TBCE: variants seen among roughly 807,000 people sequenced by gnomAD.
TBCE encodes the protein tubulin folding cofactor E.
A neutral mutation model predicts 77.0 loss-of-function variants in TBCE; 53 were observed. The ratio of observed to expected loss-of-function variants is 0.69; its 90% CI spans 0.55 to 0.87. TBCE has a LOEUF of 0.87. TBCE is among the 40% of genes least tolerant of loss of function. TBCE has a pLI of 0.00. For missense variants in TBCE, 624 were observed against 622.4 expected (o/e 1.00, Z -0.03); for synonymous variants, 235 against 241.3 (o/e 0.97, Z 0.24).
chr1:235,384,559 C>T (rs879827748), intron 2 of TBCE, among the ~76,000 whole-genome samples: 153 of 147,532 alleles, frequency 1.0e-3, no homozygotes, highest in Non-Finnish European at 1.5e-3. Flanking sequence ...GTGTATGTGT[C>T]GAGGAATTTA....
rs750424356 is a variant in TBCE, at chr1:235,414,621, A to T, written c.371+3A>T. On this transcript the variant is annotated splice_donor_region_variant and intron_variant, in intron 4 of 16. Coordinates refer to ENST00000642610, the MANE Select transcript of TBCE (RefSeq NM_003193.5). ...GACTCTATTATGAAACAGCAAAGGT[A>T]AGTGGAGTTTATAACGGCAGAGCTG... The T allele has an allele frequency of 6.2e-7, 1 of 1,613,476 alleles. No individual in the cohort carries two copies.
chr1:235,431,472 C>T (rs1051435991), intron 7 of TBCE, among the ~76,000 whole-genome samples: 1 of 151,870 alleles, frequency 6.6e-6, no homozygotes, highest in African/African-American at 2.4e-5. Context: ...AGCGATTCTC[C>T]CACCTCAGCC....
chr1:235,387,525 C>G (rs182431643), intron 2 of TBCE, among the ~76,000 whole-genome samples: 1 of 152,210 alleles, frequency 6.6e-6, no homozygotes, highest in Non-Finnish European at 1.5e-5. Context: ...CCCCCAGCCG[C>G]GCTGCTGCCT....
chr1:235,418,187 G>A (rs1004698851), intron 4 of TBCE, among the ~76,000 whole-genome samples: 2 of 151,886 alleles, frequency 1.3e-5, no homozygotes. Context: ...TTTTAAGTTC[G>A]CACAATATTG....
intron 2 of TBCE, among the ~76,000 whole-genome samples, chr1:235,397,287 C>T (rs1678795138): frequency 6.6e-6 from 1 of 151,404 alleles, no homozygotes; most frequent in South Asian, 2.1e-4. Flanking sequence ...CTGCAAGCTC[C>T]GCCTCCTGGG....
At chr1:235,416,440 C>T (rs1474257892) in intron 4 of TBCE, among the ~76,000 whole-genome samples, 1 of 151,892 alleles carries the variant, frequency 6.6e-6, no homozygotes, top group African/African-American at 2.4e-5. Context: ...GTGGGAAGAT[C>T]ACCTGAACCC....
intron 1 of TBCE, among the ~76,000 whole-genome samples, chr1:235,368,542 G>C (rs1676702531): frequency 7.5e-6 from 1 of 132,688 alleles, no homozygotes; most frequent in African/African-American, 2.9e-5. Context: ...TAATCTAAGT[G>C]GACAGCCTGC....
chr1:235,403,152 GC>G (rs1442327462), intron 3 of TBCE, among the ~76,000 whole-genome samples: 1 of 152,088 alleles, frequency 6.6e-6, no homozygotes, highest in Non-Finnish European at 1.5e-5. Flanking sequence ...TTTTAGCCAG[GC>G]CCACAGATTC....
chr1:235,437,217 C>T, intron 11 of TBCE, 105 bp from the exon 12 acceptor site: 1 of 1,383,408 alleles, frequency 7.2e-7, no homozygotes, highest in Non-Finnish European at 1.0e-6. Context: ...AAATTCCCTG[C>T]CTCAGATTAG....
intron 2 of TBCE, among the ~76,000 whole-genome samples, chr1:235,390,408 G>T (rs377506812): frequency 6.6e-6 from 1 of 152,046 alleles, no homozygotes; most frequent in Non-Finnish European, 1.5e-5. Flanking sequence ...AAGATTGGGA[G>T]AGTATCCGGT....
chr1:235,419,642 C>T, intron 5 of TBCE, 81 bp downstream of exon 5: 1 of 1,578,858 alleles, frequency 6.3e-7, no homozygotes, highest in South Asian at 1.1e-5. Context: ...ATTGCCTACC[C>T]ATTGTCCAGT....
chr1:235,389,192 A>T (rs1678219208), intron 2 of TBCE, among the ~76,000 whole-genome samples: 1 of 152,198 alleles, frequency 6.6e-6, no homozygotes, highest in African/African-American at 2.4e-5. Flanking sequence ...GAAGTTTTTA[A>T]TTTATTTAAA....
rs370122779 is a variant in TBCE at position 235,433,081 on chromosome 1, C to G, written c.661-1123C>G. On this transcript the variant is annotated intron_variant, in intron 7 of 16. Coordinates refer to ENST00000642610, the MANE Select transcript of TBCE (RefSeq NM_003193.5). ...CAGTGCCAAGGACCACACATCCATG[C>G]GGATGAACGTGGCCAAGGCCAGTGA... is the stretch of plus-strand genomic sequence containing the variant. 5.8e-6 allele frequency: 9 copies of G among 1,550,524 alleles called. No homozygotes were observed. In the Admixed American group the frequency reaches 1.1e-4, roughly 20 times the overall value.
intron 3 of TBCE, among the ~76,000 whole-genome samples, chr1:235,412,559 G>A (rs996324473): frequency 2.8e-4 from 42 of 150,084 alleles, no homozygotes; most frequent in African/African-American, 1.7e-4. Context: ...TGATCTGCCC[G>A]CCTCAGCCTC....
intron 2 of TBCE, among the ~76,000 whole-genome samples, chr1:235,394,418 C>CTTTTTTTTTTTTT (rs386370043): frequency 1.4e-5 from 1 of 72,314 alleles, no homozygotes; most frequent in Non-Finnish European, 2.4e-5. Context: ...TTGATAATTT[C>CTTTTTTTTTTTTT]TTTTTTTTTT....
At chr1:235,429,862 T>G (rs1222352722) in intron 6 of TBCE, 3 of 152,218 alleles carry the variant, frequency 2.0e-5, no homozygotes, top group African/African-American at 4.8e-5. Context: ...GGACTAGAGG[T>G]GCCTACCACC....
Position 235,434,293 on chromosome 1 carries a change from T to TA in TBCE, c.737+14dup, listed in dbSNP as rs774153528. 11 of 1,600,680 alleles carry TA rather than the reference T, an allele frequency of 6.9e-6. No homozygotes were observed. Among genetic ancestry groups the TA allele is most frequent in the Non-Finnish European group, 9.4e-6 (11 of 1,167,714 alleles). On this transcript the variant is annotated intron_variant, in intron 8 of 16. Transcript: ENST00000642610. ...TCATTTCCGAAAGGTAACTAGCACT[T>TA]ACTTAAATGCATCTATCCCCATTTA...
At chr1:235,413,982 G>T in intron 3 of TBCE, 1 of 184,876 alleles carries the variant, frequency 5.4e-6, no homozygotes, top group Non-Finnish European at 1.1e-5. Context: ...AGCCTCCCTA[G>T]TAGCTGGGAC....
intron 3 of TBCE, chr1:235,414,012 G>A (rs958237261): frequency 9.0e-5 from 23 of 254,584 alleles, no homozygotes; most frequent in Admixed American, 2.1e-4. Context: ...GCACCACCAC[G>A]CTGGACTAAT....
Sources: allele counts gnomAD v4.1 joint callset (sites outside exome capture counted in the v4.1 genomes callset), GRCh38; gene constraint gnomAD v4.1.1; transcripts MANE v1.5; gene names NCBI Gene and HGNC (gene_info 2026-07-23, HGNC 2026-07-21).